Variants in TARP observed in about 807,000 individuals in gnomAD.
the TARP span, among the ~76,000 whole-genome samples, chr7:38,261,892 GAAAA>G: frequency 6.9e-6 from 1 of 144,932 alleles, no homozygotes; most frequent in Non-Finnish European, 1.5e-5. Context: ...AAAAAGAAAA[GAAAA>G]AGAAAAAAGA....
the TARP span, chr7:38,262,249 T>A: frequency 6.6e-7 from 1 of 1,512,194 alleles, no homozygotes; most frequent in South Asian, 1.1e-5. Flanking sequence ...ACTAGTCAAT[T>A]GTTCGTGTGT....
chr7:38,267,104 T>C, the TARP span, among the ~76,000 whole-genome samples: 1 of 151,764 alleles, frequency 6.6e-6, no homozygotes, highest in Non-Finnish European at 1.5e-5. Flanking sequence ...TCAGTGTATC[T>C]ATATTTTGAC....
At chr7:38,265,208 G>T in the TARP span, 1 of 690,174 alleles carries the variant, frequency 1.4e-6, no homozygotes, top group Non-Finnish European at 2.3e-6. Context: ...CTATAGAAAA[G>T]TAGCAGGGCA....
the TARP span, among the ~76,000 whole-genome samples, chr7:38,270,193 A>G: frequency 6.6e-6 from 1 of 152,162 alleles, no homozygotes; most frequent in Admixed American, 6.6e-5. Context: ...GTGTGCCTTG[A>G]CATGACATTT....
the TARP span, among the ~76,000 whole-genome samples, chr7:38,270,299 C>A: frequency 6.6e-6 from 1 of 151,750 alleles, no homozygotes; most frequent in Non-Finnish European, 1.5e-5. Flanking sequence ...GGAATAATTT[C>A]TCAGTTCCTC....
chr7:38,271,456 T>A, the TARP span, among the ~76,000 whole-genome samples: 1 of 151,306 alleles, frequency 6.6e-6, no homozygotes, highest in African/African-American at 2.4e-5. Context: ...GTTCTTCTAA[T>A]ACTCTGCTTT....
the TARP span, among the ~76,000 whole-genome samples, chr7:38,268,361 C>G: frequency 6.6e-6 from 1 of 151,200 alleles, no homozygotes; most frequent in Admixed American, 6.6e-5. Flanking sequence ...TTTTTAGAGA[C>G]GGTATGATAT....
At chr7:38,268,628 A>G in the TARP span, among the ~76,000 whole-genome samples, 3 of 151,428 alleles carry the variant, frequency 2.0e-5, no homozygotes, top group African/African-American at 7.3e-5. Flanking sequence ...GATATCAATT[A>G]AGATAAAGGA....
the TARP span, among the ~76,000 whole-genome samples, chr7:38,272,931 T>C: frequency 6.6e-6 from 1 of 151,506 alleles, no homozygotes; most frequent in Non-Finnish European, 1.5e-5. Context: ...AATGTAAAAC[T>C]GCTTTCATTT....
the TARP span, among the ~76,000 whole-genome samples, chr7:38,266,056 G>A: frequency 1.3e-5 from 2 of 151,118 alleles, no homozygotes; most frequent in African/African-American, 2.4e-5. Context: ...TCATCATAGT[G>A]AAGCAGGTTT....
the TARP span, among the ~76,000 whole-genome samples, chr7:38,267,490 GAAGAA>G: frequency 5.3e-5 from 8 of 151,138 alleles, no homozygotes; most frequent in East Asian, 1.9e-4. Context: ...TCTCATTTCA[GAAGAA>G]AAGAAAACAG....
chr7:38,269,847 T>C, the TARP span, among the ~76,000 whole-genome samples: 11 of 152,130 alleles, frequency 7.2e-5, no homozygotes, highest in Middle Eastern at 3.4e-3. Context: ...TGCCTATAAT[T>C]CCAGCACTTT....
chr7:38,260,561 C>T, the TARP span, among the ~76,000 whole-genome samples: 1 of 150,750 alleles, frequency 6.6e-6, no homozygotes, highest in Non-Finnish European at 1.5e-5. Flanking sequence ...TTCCTAAATG[C>T]CTCTAATTAT....
At chr7:38,271,598 G>A in the TARP span, among the ~76,000 whole-genome samples, 1 of 151,034 alleles carries the variant, frequency 6.6e-6, no homozygotes, top group Non-Finnish European at 1.5e-5. Flanking sequence ...TATTACTTGG[G>A]GTAATGTCTC....
the TARP span, among the ~76,000 whole-genome samples, chr7:38,268,034 C>T: frequency 6.6e-6 from 1 of 151,208 alleles, no homozygotes; most frequent in Admixed American, 6.6e-5. Flanking sequence ...GTTAACGAAT[C>T]ATTAAATAGC....
the TARP span, among the ~76,000 whole-genome samples, chr7:38,273,245 AC>A: frequency 1.2e-5 from 1 of 80,688 alleles, no homozygotes; most frequent in Non-Finnish European, 2.1e-5. Flanking sequence ...AGCTGATTTT[AC>A]TTTTTTTTTT....
the TARP span, among the ~76,000 whole-genome samples, chr7:38,264,039 G>A: frequency 0.19 from 25,698 of 133,148 alleles, no homozygotes; most frequent in African/African-American, 0.37. Flanking sequence ...TAAAGTAACT[G>A]TTCCCCATAA....
At chr7:38,271,652 G>A in the TARP span, among the ~76,000 whole-genome samples, 1 of 150,944 alleles carries the variant, frequency 6.6e-6, no homozygotes, top group South Asian at 2.1e-4. Context: ...AGAATAAATT[G>A]GAAAAAAATA....
the TARP span, among the ~76,000 whole-genome samples, chr7:38,268,217 A>C: frequency 6.6e-6 from 1 of 151,390 alleles, no homozygotes; most frequent in African/African-American, 2.4e-5. Context: ...ATAATAAATA[A>C]AATTTATTTT....
Sources: allele counts gnomAD v4.1 joint callset (sites outside exome capture counted in the v4.1 genomes callset), GRCh38; gene constraint gnomAD v4.1.1; transcripts MANE v1.5.